Variants in SMPDL3A observed in about 807,000 individuals in gnomAD.
SMPDL3A encodes cyclic GMP-AMP phosphodiesterase SMPDL3A.
In SMPDL3A, 39 loss-of-function variants were observed where a neutral mutation model predicts 38.5. The observed-to-expected ratio is 1.01, with a 90% CI of 0.78 to 1.32. SMPDL3A has a LOEUF of 1.32. Among genes scored for constraint, SMPDL3A ranks in the 40% most tolerant of loss-of-function variants. The pLI is 0.00. For synonymous variants in SMPDL3A, 180 were observed against 194.3 expected, an observed-to-expected ratio of 0.93 and a Z score of 0.61; for missense variants, 502 against 536.2, an observed-to-expected ratio of 0.94 and a Z score of 0.63.
At chr6:122,808,597 C>CCCTCCCTT (rs1562357591) in intron 7 of SMPDL3A, among the ~76,000 whole-genome samples, 3 of 35,858 alleles carry the variant, frequency 8.4e-5, no homozygotes, top group African/African-American at 1.8e-4. Context: ...CTCCCTTCCT[C>CCCTCCCTT]CCTCCCTCCC....
At chr6:122,803,189 C>A (rs1008538873) in intron 4 of SMPDL3A, among the ~76,000 whole-genome samples, 4 of 152,172 alleles carry the variant, frequency 2.6e-5, no homozygotes, top group Admixed American at 6.5e-5. Flanking sequence ...TGCCTTTAAA[C>A]CTCCTCTCCC....
Position 122,801,408 on chromosome 6 carries a change from T to TGGTTTTTATTCACAGA in SMPDL3A, c.568+2_568+3insGGTTTTTATTCACAGA. The TGGTTTTTATTCACAGA allele has an allele frequency of 6.3e-7, 1 of 1,576,494 alleles. No individual in the cohort carries two copies. On this transcript the variant is annotated splice_region_variant and intron_variant, in intron 4 of 7. Coordinates refer to ENST00000368440, the MANE Select transcript of SMPDL3A (RefSeq NM_006714.5). Reference sequence around the variant, plus strand: ...AAGCTATTAGTACTTTAAGGAAAGGTAAGTGAAAGACTTAGTTATTCCTAT... The same window carrying TGGTTTTTATTCACAGA: ...AAGCTATTAGTACTTTAAGGAAAGGTGGTTTTTATTCACAGAAAGTGAAAGACTTAGTTATTCCTAT...
At position 122,789,465 on chromosome 6, in the gene SMPDL3A, T is replaced by G. The variant is rs1055703887; in HGVS notation, c.112+7T>G. On this transcript the variant is annotated splice_region_variant and intron_variant, in intron 1 of 7. Coordinates refer to ENST00000368440, the MANE Select transcript of SMPDL3A (RefSeq NM_006714.5). ...AATCCTCCTCCGGCGATAGGTGAGT[T>G]GTCCGCGACCCTTCTCTTCCCAGCC... The G allele has an allele frequency of 2.5e-5, 39 of 1,544,920 alleles. No individual in the cohort carries two copies. The highest frequency in any genetic ancestry group is 3.1e-5 in the Non-Finnish European group (35 of 1,142,334).
chr6:122,809,431 GA>G lies in SMPDL3A; in HGVS notation c.*27del, dbSNP rs751812940. The G allele has an allele frequency of 1.3e-6, 2 of 1,516,502 alleles. No individual in the cohort carries two copies. The highest frequency in any genetic ancestry group is 2.3e-5 in the East Asian group (1 of 44,022). 93.9% of individuals were successfully genotyped at this position (1,516,502 alleles called of 1,614,324 possible). A position where few individuals can be genotyped will look rare whatever the true frequency, so the allele number is the denominator to read the frequency against. On this transcript the variant is annotated 3_prime_UTR_variant, in exon 8 of 8. Transcript: ENST00000368440. ...TAGTATTTCACAGTTTTTGCTAATA[GA>G]AAATGCTGATTCTGATTCTGAGATC...
chr6:122,808,178 A>G (rs1034717333), intron 7 of SMPDL3A, among the ~76,000 whole-genome samples: 1 of 152,236 alleles, frequency 6.6e-6, no homozygotes, highest in African/African-American at 2.4e-5. Flanking sequence ...AAGTATGCAC[A>G]TTCCAAATAT....
chr6:122,796,624 G>A (rs1781255631), intron 2 of SMPDL3A, among the ~76,000 whole-genome samples, 200 bp from the exon 3 acceptor site: 1 of 152,100 alleles, frequency 6.6e-6, no homozygotes. Context: ...CTTATTTTTT[G>A]TATTATATTT....
At chr6:122,794,511 C>A (rs1275775628) in intron 1 of SMPDL3A, among the ~76,000 whole-genome samples, 2 of 152,104 alleles carry the variant, frequency 1.3e-5, no homozygotes, top group South Asian at 4.1e-4. Flanking sequence ...GCAGAAGAAT[C>A]GCTTGAACCC....
In SMPDL3A at chr6:122,796,964, C is replaced by T. The variant is rs370406337; in HGVS notation, c.467C>T (p.Pro156Leu). 11 of 1,609,634 alleles carry T rather than the reference C, an allele frequency of 6.8e-6. No homozygotes were observed. In the African/African-American group the frequency reaches 1.2e-4, roughly 18 times the overall value. The change falls in exon 3 of 8, where the codon CCA becomes CTA. Residue 156 changes from proline to leucine, a missense_variant. Coordinates refer to ENST00000368440, the MANE Select transcript of SMPDL3A (RefSeq NM_006714.5). The part of the protein sequence containing the change: ...FPALGNHDYW[P>L]QDQLPVVTSK... ...GCGCTGGGTAATCATGACTATTGGCCACAGGTAAATTTGATAGACTTTCAG... is the reference window on the plus strand; with the variant it reads ...GCGCTGGGTAATCATGACTATTGGCTACAGGTAAATTTGATAGACTTTCAG...
At chr6:122,801,511 C>A in intron 4 of SMPDL3A, 105 bp downstream of exon 4, 4 of 792,308 alleles carry the variant, frequency 5.0e-6, no homozygotes, top group Non-Finnish European at 8.6e-6. Flanking sequence ...TGGAGCACAG[C>A]CCCCAGTTTT....
intron 3 of SMPDL3A, among the ~76,000 whole-genome samples, chr6:122,798,630 C>G (rs1781328849): frequency 6.6e-6 from 1 of 152,214 alleles, no homozygotes; most frequent in South Asian, 2.1e-4. Flanking sequence ...AGCTTACTAT[C>G]TGGCACAGCA....
At chr6:122,789,804 G>T in intron 1 of SMPDL3A, 9 of 983,854 alleles carry the variant, frequency 9.1e-6, no homozygotes, top group Non-Finnish European at 1.1e-5. Context: ...AAAAGCTGCG[G>T]GACTCAAGGG....
chr6:122,800,777 G>A (rs1332478067), intron 3 of SMPDL3A, among the ~76,000 whole-genome samples: 1 of 152,026 alleles, frequency 6.6e-6, no homozygotes, highest in Non-Finnish European at 1.5e-5. Context: ...TTGAGCCAGA[G>A]CCTCACTCAG....
chr6:122,803,980 C>A, intron 5 of SMPDL3A, 147 bp downstream of exon 5: 1 of 575,798 alleles, frequency 1.7e-6, no homozygotes, highest in Non-Finnish European at 2.9e-6. Flanking sequence ...CATGGATTTT[C>A]TTTCTTTTTT....
Position 122,806,277 on chromosome 6 carries a change from G to A in SMPDL3A, c.964G>A (p.Val322Met), listed in dbSNP as rs2115175555. 1 of 1,613,438 alleles carries A rather than the reference G, an allele frequency of 6.2e-7. No homozygotes were observed. The highest frequency in any genetic ancestry group is 8.5e-7 in the Non-Finnish European group (1 of 1,179,538). ...GTTTGTGGCTCCTGCTGTTACACCA[G>A]TGAAGAGTGTTTTAGAAAAACAGAC... ...SLFVAPAVTP[V>M]KSVLEKQTNN... is the part of the protein sequence containing the mutation. Residue 322 changes from valine to methionine, a missense_variant, in exon 7 of 8, where the codon GTG (valine) becomes ATG (methionine). By Grantham distance (21) the Val-to-Met change is conservative. Transcript: ENST00000368440.
At chr6:122,789,904 AG>A (rs1781016336) in intron 1 of SMPDL3A, 7 of 980,466 alleles carry the variant, frequency 7.1e-6, no homozygotes, top group Non-Finnish European at 8.5e-6. Context: ...CCACCAGCTC[AG>A]GGAAGTAAAT....
At chr6:122,789,754 ATCCT>A in intron 1 of SMPDL3A, 2 of 849,044 alleles carry the variant, frequency 2.4e-6, no homozygotes, top group Non-Finnish European at 2.8e-6. Context: ...TTTTGTTTAC[ATCCT>A]GCATCTCAGT....
At chr6:122,801,446 T>A in intron 4 of SMPDL3A, 40 bp downstream of exon 4, 1 of 1,356,928 alleles carries the variant, frequency 7.4e-7, no homozygotes. Flanking sequence ...TGCCTCAATT[T>A]TTATTCATGT....
At chr6:122,793,761 C>T (rs1031183097) in intron 1 of SMPDL3A, among the ~76,000 whole-genome samples, 1 of 152,104 alleles carries the variant, frequency 6.6e-6, no homozygotes, top group African/African-American at 2.4e-5. Flanking sequence ...AAACAACCAC[C>T]AAAAGATAAC....
At chr6:122,804,833 G>A (rs1405982717) in intron 5 of SMPDL3A, 76 bp from the exon 6 acceptor site, 1 of 1,197,576 alleles carries the variant, frequency 8.4e-7, no homozygotes, top group African/African-American at 1.6e-5. Context: ...TTCAATCTTG[G>A]GTATCCAAAT....
Sources: gnomAD v4.1 joint callset for allele counts (sites outside exome capture counted in the v4.1 genomes callset) on GRCh38, gnomAD v4.1.1 for gene constraint, MANE v1.5 for transcripts, NCBI Gene and HGNC (gene_info 2026-07-23, HGNC 2026-07-21) for gene names.